PTBP3: variants seen among roughly 807,000 people sequenced by gnomAD.
PTBP3 encodes the protein polypyrimidine tract-binding protein 3.
In PTBP3, 20 loss-of-function variants were observed where a neutral mutation model predicts 58.7. The observed-to-expected ratio is 0.34, with a 90% CI of 0.24 to 0.50. The LOEUF is 0.50. Among genes scored for constraint, PTBP3 ranks in the 20% least tolerant of loss-of-function variants. The pLI is 0.98. For synonymous variants in PTBP3, 185 were observed against 219.8 expected (o/e 0.84, Z 1.40); for missense variants, 509 against 637.2 (o/e 0.80, Z 2.17).
At chr9:112,314,130 T>C (rs567668003) in intron 1 of PTBP3, among the ~76,000 whole-genome samples, 2 of 152,260 alleles carry the variant, frequency 1.3e-5, no homozygotes, top group East Asian at 3.9e-4. Flanking sequence ...TATAAAAGAC[T>C]TCAGCCTCTG....
chr9:112,288,541 C>G (rs182652333), intron 2 of PTBP3, among the ~76,000 whole-genome samples: 11 of 151,996 alleles, frequency 7.2e-5, no homozygotes, highest in Non-Finnish European at 1.3e-4. Flanking sequence ...AGAAAGAAAA[C>G]TAGGGTGACA....
intron 1 of PTBP3, among the ~76,000 whole-genome samples, chr9:112,315,714 T>C (rs1029388842): frequency 3.3e-5 from 5 of 152,196 alleles, no homozygotes; most frequent in African/African-American, 4.8e-5. Context: ...CACTCACAAA[T>C]AGCTACACTG....
the PTBP3 span, among the ~76,000 whole-genome samples, chr9:112,378,716 C>CT: frequency 6.6e-6 from 1 of 152,204 alleles, no homozygotes; most frequent in African/African-American, 2.4e-5. Flanking sequence ...TAGGCAGAGA[C>CT]CTTGTCCTTT....
At position 112,223,593 on chromosome 9, in the gene PTBP3, A is replaced by C; in HGVS notation, c.*258T>G. On this transcript the variant is annotated 3_prime_UTR_variant, in exon 14 of 14. Transcript: ENST00000374257. Reference sequence around the variant, plus strand: ...TATAGGGAATAAGATTATTGAAAAAAAATTTTTTTCCTGATTTTCTTTTTC... The same window carrying C: ...TATAGGGAATAAGATTATTGAAAAACAATTTTTTTCCTGATTTTCTTTTTC... The C allele has an allele frequency of 1.7e-6, 2 of 1,153,966 alleles. No individual in the cohort carries two copies. The highest frequency in any genetic ancestry group is 1.1e-6 in the Non-Finnish European group (1 of 922,442). The allele number at this position is 1,153,966 out of a possible 1,614,324, so 71.5% of individuals were successfully genotyped here.
intron 2 of PTBP3, among the ~76,000 whole-genome samples, chr9:112,287,654 G>A (rs1828203407): frequency 6.6e-6 from 1 of 151,948 alleles, no homozygotes; most frequent in Non-Finnish European, 1.5e-5. Context: ...AGTTTTTTCT[G>A]TCTGTGTGCT....
intron 4 of PTBP3, 22 bp from the exon 5 acceptor site, chr9:112,262,621 G>T: frequency 6.5e-7 from 1 of 1,527,314 alleles, no homozygotes; most frequent in South Asian, 1.3e-5. Flanking sequence ...CCCAAAATGA[G>T]AACTTTTGAT....
the PTBP3 span, among the ~76,000 whole-genome samples, chr9:112,345,878 A>G: frequency 1.3e-5 from 2 of 151,836 alleles, no homozygotes; most frequent in Non-Finnish European, 2.9e-5. Context: ...TTTTTGAGAC[A>G]GAGTCTCGCT....
At position 112,228,460 on chromosome 9, in the gene PTBP3, T is replaced by C. The variant is rs1835074475; in HGVS notation, c.1067A>G (p.Asp356Gly). Residue 356 changes from aspartate to glycine, a missense_variant, in exon 11 of 14, where the codon GAT (aspartate) becomes GGT (glycine). Coordinates refer to ENST00000374257, the MANE Select transcript of PTBP3 (RefSeq NM_001163788.4). The part of the protein sequence containing the change: ...GLFILFGVYG[D>G]VHRVKIMFNK... Reference sequence around the variant, plus strand: ...AAACATAATCTTCACTCGATGTACATCACCATAGACTCCTAATTAAAACAA... The same window carrying C: ...AAACATAATCTTCACTCGATGTACACCACCATAGACTCCTAATTAAAACAA... 6.2e-7 allele frequency: 1 copy of C among 1,600,928 alleles called. No individual in the cohort carries two copies. Among genetic ancestry groups the C allele is most frequent in the Non-Finnish European group, 8.5e-7 (1 of 1,174,866 alleles).
chr9:112,314,309 T>C (rs558925196), intron 1 of PTBP3, among the ~76,000 whole-genome samples: 1 of 152,332 alleles, frequency 6.6e-6, no homozygotes, highest in African/African-American at 2.4e-5. Context: ...AAAATGTATA[T>C]TTCACAAGGA....
the PTBP3 span, among the ~76,000 whole-genome samples, chr9:112,367,061 C>G: frequency 2.6e-5 from 4 of 152,170 alleles, no homozygotes; most frequent in Non-Finnish European, 4.4e-5. Context: ...CATAAAATAT[C>G]TTATCACAGT....
At chr9:112,243,933 T>C (rs1185083233) in intron 7 of PTBP3, among the ~76,000 whole-genome samples, 1 of 151,942 alleles carries the variant, frequency 6.6e-6, no homozygotes, top group East Asian at 1.9e-4. Flanking sequence ...AAATAATAGG[T>C]CCAGAATCAG....
the PTBP3 span, among the ~76,000 whole-genome samples, chr9:112,341,079 T>C: frequency 6.6e-6 from 1 of 152,050 alleles, no homozygotes; most frequent in Non-Finnish European, 1.5e-5. Flanking sequence ...TTGGATTTCT[T>C]GTGGGGTTTT....
At chr9:112,287,192 T>TG (rs35340889) in intron 2 of PTBP3, among the ~76,000 whole-genome samples, 129,075 of 152,040 alleles carry the variant, frequency 0.85, 55,218 homozygotes, top group African/African-American at 0.95. Flanking sequence ...TCCACATATA[T>TG]GAAGATTTAG....
At chr9:112,343,450 T>C in the PTBP3 span, among the ~76,000 whole-genome samples, 1 of 152,246 alleles carries the variant, frequency 6.6e-6, no homozygotes, top group Non-Finnish European at 1.5e-5. Context: ...TATCCTCAAC[T>C]GGTATTATCC....
chr9:112,355,280 A>T, the PTBP3 span, among the ~76,000 whole-genome samples: 2 of 152,230 alleles, frequency 1.3e-5, no homozygotes, highest in Non-Finnish European at 2.9e-5. Flanking sequence ...AACAACATCA[A>T]TGCTCTGAGA....
At chr9:112,239,997 G>C (rs1835591225) in intron 7 of PTBP3, among the ~76,000 whole-genome samples, 2 of 152,018 alleles carry the variant, frequency 1.3e-5, no homozygotes, top group Non-Finnish European at 2.9e-5. Context: ...CCAGGCAGAA[G>C]AAATAACAAG....
the PTBP3 span, chr9:112,379,831 C>T: frequency 2.0e-6 from 1 of 498,700 alleles, no homozygotes; most frequent in Non-Finnish European, 3.5e-6. Flanking sequence ...GCGGCTGACG[C>T]TGCCCAGACG....
chr9:112,314,832 A>AT (rs35142599), intron 1 of PTBP3, among the ~76,000 whole-genome samples: 1,752 of 141,376 alleles, frequency 0.012, 24 homozygotes, highest in African/African-American at 0.034. Context: ...TCCCACTGAC[A>AT]TTTTTTTTTT....
the PTBP3 span, among the ~76,000 whole-genome samples, chr9:112,339,899 T>A: frequency 6.6e-6 from 1 of 152,214 alleles, no homozygotes; most frequent in Admixed American, 6.5e-5. Context: ...TATAAATTTC[T>A]ATCAGGATTA....
Sources: gnomAD v4.1 joint callset for allele counts (sites outside exome capture counted in the v4.1 genomes callset) on GRCh38, gnomAD v4.1.1 for gene constraint, MANE v1.5 for transcripts, NCBI Gene and HGNC (gene_info 2026-07-23, HGNC 2026-07-21) for gene names.